Variants in DPP4 observed in about 807,000 individuals in gnomAD.
The protein encoded by DPP4 is dipeptidyl peptidase 4, also known as ADCP-2.
In DPP4, 93 loss-of-function variants were observed where a neutral mutation model predicts 122.4. The observed-to-expected ratio is 0.76, with a 90% CI of 0.64 to 0.90. DPP4 has a LOEUF of 0.90. Among genes scored for constraint, DPP4 ranks in the 40% least tolerant of loss-of-function variants. The probability of loss-of-function intolerance (pLI) is 0.00; values close to 1 mark genes in which losing one functional copy is unlikely to be tolerated. For missense variants in DPP4, 914 were observed against 907.3 expected (o/e 1.01, Z -0.09); for synonymous variants, 321 against 302.9 (o/e 1.06, Z -0.62).
rs60463078 is a variant in DPP4, at chr2:162,034,027, T to C, written c.775-374A>G. ...AACTTTATTATTTGCAAATATACCC[T>C]GTCTCCCTGAGACCAAAAGTCTTTG... is the stretch of plus-strand genomic sequence containing the variant. On this transcript the variant is annotated intron_variant, in intron 9 of 25. Transcript: ENST00000360534. Among the ~76,000 whole-genome samples, 1,512 of 151,984 alleles carry C rather than the reference T, an allele frequency of 9.9e-3. 28 individuals carry two copies. The highest frequency in any genetic ancestry group is 0.035 in the African/African-American group (1,434 of 41,436).
At chr2:162,010,953 A>G (rs1682682149) in intron 20 of DPP4, among the ~76,000 whole-genome samples, 1 of 152,168 alleles carries the variant, frequency 6.6e-6, no homozygotes, top group South Asian at 2.1e-4. Flanking sequence ...AGAAACTCAA[A>G]GTTACATTTC....
intron 2 of DPP4, among the ~76,000 whole-genome samples, chr2:162,050,577 G>A (rs1684346600): frequency 2.0e-5 from 3 of 152,264 alleles, no homozygotes; most frequent in South Asian, 2.1e-4. Context: ...AGGTTCACTC[G>A]GCTGCGTTAG....
chr2:162,033,564 A>G lies in DPP4; in HGVS notation c.864T>C (p.Thr288=). Reference sequence around the variant, plus strand: ...ACCCTATCAACATAGAAGCAGGAGCAGTGATTTGTATGGAAGTTGCATTGG... The same window carrying G: ...ACCCTATCAACATAGAAGCAGGAGCGGTGATTTGTATGGAAGTTGCATTGG... ...SVTNATSIQI[T]APASMLIGDH... The change falls in exon 10 of 26, where the codon ACT becomes ACC. Residue 288 remains threonine, a synonymous_variant. Transcript: ENST00000360534. 6.2e-7 allele frequency: 1 copy of G among 1,613,128 alleles called. No individual in the cohort carries two copies. Among genetic ancestry groups the G allele is most frequent in the Middle Eastern group, 1.7e-4 (1 of 6,052 alleles).
chr2:162,024,795 C>T lies in DPP4; in HGVS notation c.1023+9G>A. On this transcript the variant is annotated intron_variant, in intron 11 of 25. Coordinates refer to ENST00000360534, the MANE Select transcript of DPP4 (RefSeq NM_001935.4). The stretch of plus-strand genomic sequence containing the variant: ...GCTCTAGAAGCAGAACATCCCCATT[C>T]AGTCTCACCACTAAGCAGTTCCATC... 1 of 1,612,726 alleles carries T rather than the reference C, an allele frequency of 6.2e-7. No individual in the cohort carries two copies. The highest frequency in any genetic ancestry group is 8.5e-7 in the Non-Finnish European group (1 of 1,179,782).
intron 2 of DPP4, among the ~76,000 whole-genome samples, chr2:162,057,893 C>G (rs937175073): frequency 1.3e-4 from 20 of 152,144 alleles, no homozygotes; most frequent in African/African-American, 4.1e-4. Context: ...CTGTCTCATC[C>G]TCCCAAGTAA....
At chr2:162,024,230 A>G (rs1031837522) in intron 11 of DPP4, among the ~76,000 whole-genome samples, 4 of 152,220 alleles carry the variant, frequency 2.6e-5, no homozygotes, top group Non-Finnish European at 4.4e-5. Context: ...CCGTCATCCT[A>G]GTTGGACCTC....
At chr2:162,053,290 G>C (rs1684448055) in intron 2 of DPP4, among the ~76,000 whole-genome samples, 1 of 152,232 alleles carries the variant, frequency 6.6e-6, no homozygotes, top group Admixed American at 6.5e-5. Context: ...GGAGATTATT[G>C]CTGCTGTCCC....
At chr2:162,047,164 T>A (rs1254695006) in intron 3 of DPP4, among the ~76,000 whole-genome samples, 158 bp from the exon 4 acceptor site, 7 of 152,192 alleles carry the variant, frequency 4.6e-5, no homozygotes, top group Non-Finnish European at 4.4e-5. Context: ...ATTCATTTTT[T>A]CATCATTATT....
chr2:162,046,863 GA>G, intron 4 of DPP4, 51 bp downstream of exon 4: 2 of 1,230,746 alleles, frequency 1.6e-6, no homozygotes, highest in East Asian at 4.7e-5. Context: ...CAAAGGTAAT[GA>G]AAAAAATCCC....
chr2:162,019,195 CAA>C, intron 15 of DPP4, 26 bp downstream of exon 15: 1 of 1,581,566 alleles, frequency 6.3e-7, no homozygotes, highest in Non-Finnish European at 8.6e-7. Flanking sequence ...TAAAATGACT[CAA>C]GTCAACAACT....
chr2:162,051,192 A>G (rs1684370994), intron 2 of DPP4, among the ~76,000 whole-genome samples: 1 of 152,250 alleles, frequency 6.6e-6, no homozygotes, highest in Non-Finnish European at 1.5e-5. Context: ...AAATGGCTCA[A>G]TCTAATAATA....
intron 2 of DPP4, among the ~76,000 whole-genome samples, chr2:162,071,931 T>C (rs901025894): frequency 6.6e-6 from 1 of 152,190 alleles, no homozygotes; most frequent in Non-Finnish European, 1.5e-5. Context: ...GTTCTGATAA[T>C]TACAGTTTTA....
chr2:162,015,537 G>A (rs978553547), intron 18 of DPP4, among the ~76,000 whole-genome samples: 1 of 152,140 alleles, frequency 6.6e-6, no homozygotes, highest in African/African-American at 2.4e-5. Context: ...TGATGGGAAG[G>A]TGTTTTAGTC....
chr2:162,033,515 C>A, intron 10 of DPP4, 26 bp downstream of exon 10: 1 of 1,566,004 alleles, frequency 6.4e-7, no homozygotes, highest in Non-Finnish European at 8.7e-7. Flanking sequence ...TGTTTACAAG[C>A]CAAGCATTCA....
chr2:162,037,634 T>C (rs561460607), intron 8 of DPP4, among the ~76,000 whole-genome samples: 74 of 152,300 alleles, frequency 4.9e-4, no homozygotes, highest in African/African-American at 1.7e-3. Context: ...AAAATGCCTT[T>C]TATCTTGGCA....
chr2:162,047,282 A>C lies in DPP4; in HGVS notation c.193+121T>G, dbSNP rs1027535883. The C allele has an allele frequency of 2.5e-5, 14 of 559,920 alleles. No homozygotes were observed. In the African/African-American group the frequency reaches 2.5e-4, roughly 10 times the overall value. 34.7% of individuals were successfully genotyped at this position (559,920 alleles called of 1,614,324 possible). A position where few individuals can be genotyped will look rare whatever the true frequency, so the allele number is the denominator to read the frequency against. On this transcript the variant is annotated intron_variant, in intron 3 of 25. Transcript: ENST00000360534. ...ACTTCAAGTAGAAAAAGAAAAAAAA[A>C]ACTCTCTATAGAATTTTTAAAAACA...
chr2:162,073,358 A>G (rs779364303), intron 2 of DPP4, 41 bp downstream of exon 2: 2 of 1,597,788 alleles, frequency 1.3e-6, no homozygotes, highest in Non-Finnish European at 1.7e-6. Context: ...GCCTGACCTG[A>G]GCTCCAACTG....
chr2:162,038,592 A>G (rs1347306520), intron 7 of DPP4, among the ~76,000 whole-genome samples, 170 bp from the exon 8 acceptor site: 1 of 152,166 alleles, frequency 6.6e-6, no homozygotes, highest in Non-Finnish European at 1.5e-5. Flanking sequence ...TTACAAGTGT[A>G]CAGCCTATAA....
intron 10 of DPP4, 109 bp from the exon 11 acceptor site, chr2:162,025,048 G>A (rs1683274502): frequency 1.3e-5 from 16 of 1,219,292 alleles, no homozygotes; most frequent in South Asian, 1.6e-5. Flanking sequence ...AATCTTAATG[G>A]GAAGTAGAAT....
Sources: allele counts gnomAD v4.1 joint callset (sites outside exome capture counted in the v4.1 genomes callset), GRCh38; gene constraint gnomAD v4.1.1; transcripts MANE v1.5; gene names NCBI Gene and HGNC (gene_info 2026-07-23, HGNC 2026-07-21).